Variants in PDE8B observed in about 807,000 individuals in gnomAD.
PDE8B encodes the protein high affinity cAMP-specific and IBMX-insensitive 3',5'-cyclic phosphodiesterase 8B.
A neutral mutation model predicts 101.3 loss-of-function variants in PDE8B; 26 were observed. That is an observed-to-expected ratio of 0.26 (90% CI 0.19 to 0.36). PDE8B has a LOEUF of 0.36. Among genes scored for constraint, PDE8B ranks in the 10% least tolerant of loss-of-function variants. PDE8B has a pLI of 1.00. For synonymous variants in PDE8B, 424 were observed against 429.3 expected (o/e 0.99, Z 0.15); for missense variants, 810 against 1,163.1 (o/e 0.70, Z 4.42).
the PDE8B span, among the ~76,000 whole-genome samples, chr5:77,127,307 A>T: frequency 6.6e-6 from 1 of 152,040 alleles, no homozygotes; most frequent in African/African-American, 2.4e-5. Context: ...TCTCGTGATA[A>T]TGAGTGGGTT....
chr5:77,391,458 C>G (rs559437101), intron 10 of PDE8B, among the ~76,000 whole-genome samples: 1 of 152,292 alleles, frequency 6.6e-6, no homozygotes, highest in East Asian at 1.9e-4. Flanking sequence ...ATGCAGAGAG[C>G]CCAGCAAAGG....
At chr5:77,088,773 G>A in the PDE8B span, 2 of 150,906 alleles carry the variant, frequency 1.3e-5, no homozygotes, top group Admixed American at 6.6e-5. Context: ...TACGGGTACA[G>A]GATAGGGGGT....
chr5:77,244,212 G>A (rs551396894), intron 1 of PDE8B, among the ~76,000 whole-genome samples: 1 of 152,214 alleles, frequency 6.6e-6, no homozygotes, highest in East Asian at 1.9e-4. Flanking sequence ...TGGGGGTGGG[G>A]TAAACCGGTG....
the PDE8B span, among the ~76,000 whole-genome samples, chr5:77,135,551 A>G: frequency 1.4e-5 from 2 of 140,978 alleles, no homozygotes; most frequent in African/African-American, 2.7e-5. Flanking sequence ...ATCTCGGCTC[A>G]TTGCAGCCTC....
At chr5:77,300,943 G>A (rs2150035143) in intron 1 of PDE8B, among the ~76,000 whole-genome samples, 1 of 152,284 alleles carries the variant, frequency 6.6e-6, no homozygotes, top group Middle Eastern at 3.4e-3. Context: ...GACTTTGCAT[G>A]GGCTACTTAC....
At chr5:77,119,968 C>T in the PDE8B span, among the ~76,000 whole-genome samples, 2 of 151,952 alleles carry the variant, frequency 1.3e-5, no homozygotes, top group African/African-American at 4.8e-5. Flanking sequence ...TATAATCACC[C>T]ACCCTGGGTG....
chr5:77,397,026 ATTTTTTTTTT>A (rs71606290), intron 10 of PDE8B, among the ~76,000 whole-genome samples: 3 of 84,420 alleles, frequency 3.6e-5, no homozygotes, highest in African/African-American at 5.5e-5. Context: ...CCGATAAGAA[ATTTTTTTTTT>A]TTTTTTTTTT....
intron 12 of PDE8B, among the ~76,000 whole-genome samples, chr5:77,406,561 G>A (rs1476927680): frequency 6.6e-6 from 1 of 152,188 alleles, no homozygotes; most frequent in Non-Finnish European, 1.5e-5. Context: ...AGGCTGAAGA[G>A]CATGCAGGTC....
chr5:77,187,512 C>T, the PDE8B span, among the ~76,000 whole-genome samples: 1 of 152,006 alleles, frequency 6.6e-6, no homozygotes, highest in East Asian at 1.9e-4. Flanking sequence ...CCAGTGGGAG[C>T]AATTTTCATA....
intron 7 of PDE8B, among the ~76,000 whole-genome samples, 188 bp downstream of exon 7, chr5:77,345,119 T>G (rs1359833567): frequency 6.6e-6 from 1 of 152,176 alleles, no homozygotes; most frequent in Non-Finnish European, 1.5e-5. Flanking sequence ...GAACAAAAAA[T>G]TATTACTTCA....
chr5:77,257,846 A>G (rs1326983986), intron 1 of PDE8B, among the ~76,000 whole-genome samples: 1 of 151,854 alleles, frequency 6.6e-6, no homozygotes, highest in South Asian at 2.1e-4. Context: ...GACAGGCCCC[A>G]GTGTGTATTG....
At chr5:77,405,214 C>T (rs752019830) in intron 12 of PDE8B, among the ~76,000 whole-genome samples, 10 of 152,194 alleles carry the variant, frequency 6.6e-5, no homozygotes, top group Admixed American at 2.6e-4. Flanking sequence ...ACAGAGAAAT[C>T]GTGAGGCAGA....
chr5:77,418,843 G>A (rs1796077812), intron 18 of PDE8B, among the ~76,000 whole-genome samples: 1 of 152,176 alleles, frequency 6.6e-6, no homozygotes, highest in African/African-American at 2.4e-5. Context: ...CACAGAGCGG[G>A]AGCACGAAGG....
the PDE8B span, among the ~76,000 whole-genome samples, chr5:77,142,988 C>T: frequency 6.6e-6 from 1 of 152,050 alleles, no homozygotes; most frequent in Non-Finnish European, 1.5e-5. Context: ...TGTATTGAGG[C>T]ATGGAGAGTT....
chr5:77,215,245 C>T (rs1336039514), intron 1 of PDE8B, among the ~76,000 whole-genome samples: 2 of 152,192 alleles, frequency 1.3e-5, no homozygotes, highest in South Asian at 4.1e-4. Context: ...AAGTCTAAAG[C>T]AAGGCTGGAT....
At chr5:77,148,635 T>C in the PDE8B span, 1 of 152,256 alleles carries the variant, frequency 6.6e-6, no homozygotes, top group Non-Finnish European at 1.5e-5. Context: ...ACTAATGATA[T>C]TGTGCATCTT....
At chr5:77,192,119 G>A in the PDE8B span, among the ~76,000 whole-genome samples, 1 of 152,154 alleles carries the variant, frequency 6.6e-6, no homozygotes, top group South Asian at 2.1e-4. Flanking sequence ...TTGGCCTACC[G>A]CTCACCTCCT....
chr5:77,251,071 A>G (rs1358504613), intron 1 of PDE8B, among the ~76,000 whole-genome samples: 1 of 152,234 alleles, frequency 6.6e-6, no homozygotes, highest in Non-Finnish European at 1.5e-5. Context: ...TTGAAGTCAG[A>G]CTGTCTGGCT....
At position 77,316,337 on chromosome 5, in the gene PDE8B, G is replaced by A. The variant is rs1480979848; in HGVS notation, c.399+4284G>A. Among the ~76,000 whole-genome samples the A allele has an allele frequency of 8.5e-5, 13 of 152,068 alleles. 1 individual carries two copies. The highest frequency in any genetic ancestry group is 6.2e-4 in the South Asian group (3 of 4,826). On this transcript the variant is annotated intron_variant, in intron 2 of 21. Coordinates refer to ENST00000264917, the MANE Select transcript of PDE8B (RefSeq NM_003719.5). Reference sequence around the variant, plus strand: ...CAAACTCTGCCTCCTGGGTTCAAGCGATTCTTCTGCCTCAGCCTCCCAAGT... The same window carrying A: ...CAAACTCTGCCTCCTGGGTTCAAGCAATTCTTCTGCCTCAGCCTCCCAAGT...
Sources: allele counts gnomAD v4.1 joint callset (sites outside exome capture counted in the v4.1 genomes callset), GRCh38; gene constraint gnomAD v4.1.1; transcripts MANE v1.5; gene names NCBI Gene and HGNC (gene_info 2026-07-23, HGNC 2026-07-21).